Variants in OR14A2 observed in about 807,000 individuals in gnomAD.
OR14A2 encodes olfactory receptor 14A2.
For missense variants in OR14A2, 237 were observed against 152.9 expected (o/e 1.55, Z -2.90); for synonymous variants, 114 against 58.6 (o/e 1.95, Z -4.32).
the OR14A2 span, among the ~76,000 whole-genome samples, chr1:247,745,534 A>G: frequency 6.6e-6 from 1 of 152,154 alleles, no homozygotes; most frequent in East Asian, 1.9e-4. Flanking sequence ...ACTAGATTGA[A>G]TAAAATCTCA....
At chr1:247,735,418 A>ATTAT in the OR14A2 span, among the ~76,000 whole-genome samples, 1 of 152,194 alleles carries the variant, frequency 6.6e-6, no homozygotes, top group Non-Finnish European at 1.5e-5. Flanking sequence ...TTAGTCACAT[A>ATTAT]TTATGGATGC....
exon 1 of OR14A2, chr1:247,723,310 A>G (rs756129900): frequency 1.4e-6 from 1 of 717,526 alleles, no homozygotes; most frequent in South Asian, 1.5e-5. Context: ...AACAGTGAAA[A>G]CAGTGAGATG....
the OR14A2 span, chr1:247,739,418 A>G: frequency 2.6e-6 from 2 of 780,734 alleles, no homozygotes; most frequent in East Asian, 4.9e-5. Flanking sequence ...CTTCTATTCT[A>G]GACTTGCTGG....
chr1:247,737,524 A>G, the OR14A2 span, among the ~76,000 whole-genome samples: 1 of 151,760 alleles, frequency 6.6e-6, no homozygotes, highest in African/African-American at 2.4e-5. Flanking sequence ...CCCCAAACTT[A>G]AAGCCTCCTC....
the OR14A2 span, among the ~76,000 whole-genome samples, chr1:247,733,046 T>C: frequency 6.6e-6 from 1 of 152,142 alleles, no homozygotes; most frequent in Non-Finnish European, 1.5e-5. Context: ...ATAAAACCAA[T>C]GAAAGTACGA....
At chr1:247,740,526 A>G in the OR14A2 span, among the ~76,000 whole-genome samples, 1 of 152,198 alleles carries the variant, frequency 6.6e-6, no homozygotes, top group Non-Finnish European at 1.5e-5. Context: ...TCTCTTCATT[A>G]AAACTTCTTT....
chr1:247,742,662 C>A, the OR14A2 span, among the ~76,000 whole-genome samples: 1 of 151,964 alleles, frequency 6.6e-6, no homozygotes, highest in Admixed American at 6.6e-5. Flanking sequence ...GATAATCAAT[C>A]AATATGATAA....
chr1:247,728,354 G>C (rs945255358), upstream of OR14A2, among the ~76,000 whole-genome samples: 1 of 151,858 alleles, frequency 6.6e-6, no homozygotes, highest in Admixed American at 6.6e-5. Context: ...GCAGAAAAAG[G>C]CTTTGACAAA....
At chr1:247,723,192 G>T (rs374422919) in exon 1 of OR14A2, 2 of 717,772 alleles carry the variant, frequency 2.8e-6, no homozygotes, top group Non-Finnish European at 2.6e-6. Context: ...AGGTTACAGG[G>T]TTAAATACTG....
At chr1:247,735,881 G>T in the OR14A2 span, among the ~76,000 whole-genome samples, 10 of 152,156 alleles carry the variant, frequency 6.6e-5, 1 homozygote, top group South Asian at 1.5e-3. Flanking sequence ...AGCTCTCTTT[G>T]AACAAAAACT....
At chr1:247,740,035 A>G in the OR14A2 span, among the ~76,000 whole-genome samples, 118 of 152,252 alleles carry the variant, frequency 7.8e-4, no homozygotes, top group African/African-American at 2.8e-3. Context: ...TTCACTTGAC[A>G]TCTGTTATTC....
At chr1:247,735,404 T>C in the OR14A2 span, among the ~76,000 whole-genome samples, 2 of 152,176 alleles carry the variant, frequency 1.3e-5, no homozygotes, top group African/African-American at 4.8e-5. Flanking sequence ...ATGTCTAGGA[T>C]CCATTAGTCA....
At chr1:247,724,284 T>C (rs1007772098), upstream of OR14A2, among the ~76,000 whole-genome samples, 1 of 152,060 alleles carries the variant, frequency 6.6e-6, no homozygotes, top group Non-Finnish European at 1.5e-5. Flanking sequence ...TTTATGAGTT[T>C]TACCTAATCC....
At chr1:247,739,385 T>C in the OR14A2 span, 2 of 780,864 alleles carry the variant, frequency 2.6e-6, no homozygotes, top group East Asian at 2.4e-5. Context: ...CTGTTGCTTA[T>C]TTAAAGCCAG....
At chr1:247,723,222 C>G in exon 1 of OR14A2, 1 of 717,648 alleles carries the variant, frequency 1.4e-6, no homozygotes, top group South Asian at 1.5e-5. Flanking sequence ...CAGTGTAGAT[C>G]ACAGAAAGCA....
exon 1 of OR14A2, chr1:247,723,527 G>A (rs1043176317): frequency 2.8e-6 from 2 of 717,954 alleles, no homozygotes; most frequent in Non-Finnish European, 5.2e-6. Context: ...AAAAACTGTG[G>A]AATCACACTG....
At chr1:247,723,736 G>A (rs1317675581) in exon 1 of OR14A2, 17 of 718,292 alleles carry the variant, frequency 2.4e-5, no homozygotes, top group Non-Finnish European at 3.4e-5. Flanking sequence ...TGAGAAGGAA[G>A]TCATTAAAAG....
the OR14A2 span, among the ~76,000 whole-genome samples, chr1:247,745,780 T>C: frequency 1.3e-5 from 2 of 152,316 alleles, no homozygotes; most frequent in African/African-American, 2.4e-5. Flanking sequence ...CTGACAAATA[T>C]ATGCACATCA....
chr1:247,729,822 G>A, the OR14A2 span, among the ~76,000 whole-genome samples: 5 of 151,854 alleles, frequency 3.3e-5, no homozygotes, highest in Admixed American at 1.3e-4. Flanking sequence ...GCAATTTCAG[G>A]GTTTACTGGT....
Sources: allele counts gnomAD v4.1 joint callset (sites outside exome capture counted in the v4.1 genomes callset), GRCh38; gene constraint gnomAD v4.1.1; transcripts MANE v1.5; gene names NCBI Gene and HGNC (gene_info 2026-07-23, HGNC 2026-07-21).